CSF2RA: variants seen among roughly 807,000 people sequenced by gnomAD.
The protein encoded by CSF2RA is granulocyte-macrophage colony-stimulating factor receptor subunit alpha.
CSF2RA carries 42 observed loss-of-function variants against 51.6 expected under a neutral mutation model. The ratio of observed to expected loss-of-function variants is 0.81; its 90% CI spans 0.64 to 1.05. The LOEUF (loss-of-function observed/expected upper bound fraction) is 1.05, where lower values mean the gene tolerates loss of function less well. Ranked by LOEUF, CSF2RA falls within the 50% of genes least tolerant of loss-of-function variation. The pLI is 0.00. For missense variants in CSF2RA, 530 were observed against 501.1 expected, an observed-to-expected ratio of 1.06 and a Z score of -0.55; for synonymous variants, 222 against 193.0, an observed-to-expected ratio of 1.15 and a Z score of -1.24.
intron 1 of CSF2RA, among the ~76,000 whole-genome samples, chrX:1,272,660 T>G (rs1236629702): frequency 1.3e-5 from 2 of 151,282 alleles, no homozygotes; most frequent in Non-Finnish European, 2.9e-5. Context: ...GCTAATTTTC[T>G]TTGTATTTTT....
At chrX:1,315,452 G>A in the CSF2RA span, among the ~76,000 whole-genome samples, 1 of 152,034 alleles carries the variant, frequency 6.6e-6, no homozygotes, top group Non-Finnish European at 1.5e-5. Context: ...CACCCAGGCT[G>A]GAGTGCAGTG....
intron 7 of CSF2RA, among the ~76,000 whole-genome samples, chrX:1,291,968 A>C (rs1394515980): frequency 6.0e-5 from 8 of 133,886 alleles, no homozygotes; most frequent in Non-Finnish European, 8.3e-5. Flanking sequence ...GAGACCCTGC[A>C]CCACCTCCAC....
intron 3 of CSF2RA, among the ~76,000 whole-genome samples, chrX:1,283,224 CCTCCCTCTTTCCATCCTTCCTTCT>C (rs1393067645): frequency 4.7e-5 from 7 of 147,726 alleles, no homozygotes; most frequent in Non-Finnish European, 8.9e-5. Flanking sequence ...TTCCTCCTGC[CCTCCCTCTTTCCATCCTTCCTTCT>C]CTCCTTCCTT....
At chrX:1,320,763 A>G in the CSF2RA span, among the ~76,000 whole-genome samples, 225 of 146,866 alleles carry the variant, frequency 1.5e-3, 2 homozygotes, top group Middle Eastern at 0.042. Context: ...CGCCCGCCTC[A>G]GCCTCCCAAA....
rs1422281342 is a variant in CSF2RA at position 1,270,100 on chromosome X, ACT to A, written c.-91+1224_-91+1225del. ...CTCCAGCCTGGGCAACAAGAGCAAA[ACT>A]CTGTCCCCAAAAAAAGATAACTAAA... On this transcript the variant is annotated intron_variant, in intron 1 of 12. Transcript: ENST00000381529. Among the ~76,000 whole-genome samples the A allele has an allele frequency of 4.4e-4, 67 of 152,086 alleles. 1 individual carries two copies. The highest frequency in any genetic ancestry group is 2.6e-3 in the Admixed American group (39 of 15,242).
the CSF2RA span, among the ~76,000 whole-genome samples, chrX:1,323,817 A>T: frequency 4.0e-5 from 6 of 151,290 alleles, no homozygotes; most frequent in African/African-American, 1.5e-4. Context: ...GATCGAAACC[A>T]TCCTGGCTAA....
the CSF2RA span, among the ~76,000 whole-genome samples, chrX:1,316,339 A>G: frequency 6.6e-6 from 1 of 152,200 alleles, no homozygotes; most frequent in Non-Finnish European, 1.5e-5. Context: ...GTTGGGATCT[A>G]TCTGCTATTT....
At chrX:1,320,073 T>G in the CSF2RA span, among the ~76,000 whole-genome samples, 4 of 152,006 alleles carry the variant, frequency 2.6e-5, no homozygotes, top group African/African-American at 9.7e-5. Context: ...TTTTTTGCAT[T>G]TTTAGTACAG....
chrX:1,280,443 C>T (rs1452186096), intron 2 of CSF2RA, among the ~76,000 whole-genome samples: 1 of 147,972 alleles, frequency 6.8e-6, no homozygotes. Flanking sequence ...TGCACTCCAG[C>T]CTGGGTGACA....
At position 1,288,778 on chromosome X, in the gene CSF2RA, T is replaced by C. The variant is rs747198231; in HGVS notation, c.363T>C (p.Ala121=). Residue 121 remains alanine, a synonymous_variant, in exon 6 of 13, where the codon GCT becomes GCC. Transcript: ENST00000381529. The part of the protein sequence containing the change: ...YPNSGREGTA[A]QNFSCFIYNA... ...TCCCAGGAAGGGAGGGTACCGCTGC[T>C]CAGAATTTCTCCTGTTTCATCTACA... is the stretch of plus-strand genomic sequence containing the variant. 3.1e-6 allele frequency: 5 copies of C among 1,613,784 alleles called. No individual in the cohort carries two copies. In the South Asian group the frequency reaches 5.5e-5, roughly 18 times the overall value.
Position 1,309,862 on chromosome X carries a change from T to C in CSF2RA, c.*383T>C, listed in dbSNP as rs1423109599. Reference sequence around the variant, plus strand: ...AAGATCGCACCATTGCACACCAACCTGCGTGACAGAGCAAGATTGCATCTC... The same window carrying C: ...AAGATCGCACCATTGCACACCAACCCGCGTGACAGAGCAAGATTGCATCTC... On this transcript the variant is annotated 3_prime_UTR_variant, in exon 13 of 13. Transcript: ENST00000381529. The C allele has an allele frequency of 3.4e-6, 2 of 594,518 alleles. No homozygotes were observed. Among genetic ancestry groups the C allele is most frequent in the South Asian group, 4.2e-5 (2 of 47,448 alleles). 36.8% of individuals were successfully genotyped at this position (594,518 alleles called of 1,614,324 possible).
chrX:1,290,102 TTTTTGTTTTGTGTTTTGTGTTTTTATG>T lies in CSF2RA; in HGVS notation c.474-219_474-193del, dbSNP rs757428203. On this transcript the variant is annotated intron_variant, in intron 6 of 12. Transcript: ENST00000381529. ...GTTTTTGTGTTTTGTTTTGTGTTTG[TTTTTGTTTTGTGTTTTGTGTTTTTATG>T]TTTTGTTTTGTGTTTGTTTTCGTTT... is the stretch of plus-strand genomic sequence containing the variant. 8.6e-3 allele frequency among the ~76,000 whole-genome samples: 1,298 copies of T among 151,776 alleles called. 18 individuals are homozygous for T. Among genetic ancestry groups the T allele is most frequent in the South Asian group, 0.027 (128 of 4,724 alleles).
At chrX:1,318,975 CTTTA>C in the CSF2RA span, among the ~76,000 whole-genome samples, 5 of 150,280 alleles carry the variant, frequency 3.3e-5, no homozygotes, top group Admixed American at 2.7e-4. Context: ...GATGATGATC[CTTTA>C]TTTATTTTAT....
chrX:1,289,993 TTGTTTTG>T lies in CSF2RA; in HGVS notation c.474-328_474-322del, dbSNP rs1486987541. 5.7e-4 allele frequency among the ~76,000 whole-genome samples: 87 copies of T among 151,548 alleles called. 1 individual carries two copies. Among genetic ancestry groups the T allele is most frequent in the African/African-American group, 1.9e-3 (77 of 41,390 alleles). ...TGTTTTGTTTTGTGTTTTTGTGTTT[TTGTTTTG>T]TGTTTTGTGTTTTGTTTTGTGTTTT... On this transcript the variant is annotated intron_variant, in intron 6 of 12. Coordinates refer to ENST00000381529, the MANE Select transcript of CSF2RA (RefSeq NM_172245.4).
chrX:1,314,582 ACCCC>A (rs2084419860), downstream of CSF2RA, among the ~76,000 whole-genome samples: 10 of 52,754 alleles, frequency 1.9e-4, no homozygotes, highest in African/African-American at 2.8e-4. Context: ...CACCTGCCCA[ACCCC>A]ACTGCACCTG....
At chrX:1,314,953 G>A (rs866695414), downstream of CSF2RA, among the ~76,000 whole-genome samples, 43 of 73,900 alleles carry the variant, frequency 5.8e-4, 4 homozygotes, top group African/African-American at 1.4e-3. Context: ...ACCCCTCTGT[G>A]CCTGCCCAAC....
chrX:1,313,949 C>A (rs1449196400), downstream of CSF2RA, among the ~76,000 whole-genome samples: 1 of 151,850 alleles, frequency 6.6e-6, no homozygotes, highest in Non-Finnish European at 1.5e-5. Context: ...CCAGATCATG[C>A]GATTGCACTC....
intron 9 of CSF2RA, among the ~76,000 whole-genome samples, chrX:1,298,974 C>A (rs1447735992): frequency 1.3e-5 from 2 of 152,110 alleles, no homozygotes; most frequent in Non-Finnish European, 2.9e-5. Context: ...CTCCACGAAC[C>A]CTACAGTCTT....
At chrX:1,275,791 T>C (rs187357135) in intron 2 of CSF2RA, among the ~76,000 whole-genome samples, 4,081 of 151,724 alleles carry the variant, frequency 0.027, 93 homozygotes, top group Middle Eastern at 0.051. Context: ...ATCTCCTGAC[T>C]TCGTGATCCG....
Sources: allele counts gnomAD v4.1 joint callset (sites outside exome capture counted in the v4.1 genomes callset), GRCh38; gene constraint gnomAD v4.1.1; transcripts MANE v1.5; gene names NCBI Gene and HGNC (gene_info 2026-07-23, HGNC 2026-07-21).